The following ADGRL3 variants were observed in gnomAD, a reference collection of about 807,000 sequenced individuals.
The protein encoded by ADGRL3 is calcium-independent alpha-latrotoxin receptor 3.
Under a neutral mutation model 153.5 loss-of-function variants are expected in ADGRL3, and 62 were observed. The ratio of observed to expected loss-of-function variants is 0.40; its 90% CI spans 0.33 to 0.50. ADGRL3 has a LOEUF of 0.50. ADGRL3 is among the 20% of genes least tolerant of loss of function. The pLI is 0.47. For missense variants in ADGRL3, 1,641 were observed against 1,859.4 expected, an observed-to-expected ratio of 0.88 and a Z score of 2.16; for synonymous variants, 710 against 672.5, an observed-to-expected ratio of 1.06 and a Z score of -0.86.
intron 1 of ADGRL3, among the ~76,000 whole-genome samples, chr4:61,266,632 G>A (rs925432143): frequency 1.3e-4 from 20 of 151,646 alleles, no homozygotes; most frequent in African/African-American, 4.4e-4. Context: ...AAAACATAGC[G>A]ATACAAATTT....
chr4:61,862,671 G>A (rs748617231), intron 9 of ADGRL3, among the ~76,000 whole-genome samples: 7 of 152,062 alleles, frequency 4.6e-5, no homozygotes, highest in African/African-American at 7.2e-5. Flanking sequence ...ATCCCTGGAC[G>A]AGCAGCATTA....
intron 1 of ADGRL3, among the ~76,000 whole-genome samples, chr4:61,277,782 A>G (rs1456323015): frequency 6.6e-6 from 1 of 152,222 alleles, no homozygotes; most frequent in Non-Finnish European, 1.5e-5. Context: ...AAATAAATTA[A>G]TATGTGTCAA....
intron 13 of ADGRL3, 77 bp from the exon 14 acceptor site, chr4:61,934,763 G>A (rs1015959584): frequency 8.8e-6 from 10 of 1,138,252 alleles, no homozygotes; most frequent in Non-Finnish European, 1.2e-5. Flanking sequence ...TGCTTGCTGG[G>A]CAACATGTAC....
chr4:61,959,410 T>C (rs2098979662), intron 17 of ADGRL3, among the ~76,000 whole-genome samples: 1 of 152,184 alleles, frequency 6.6e-6, no homozygotes, highest in South Asian at 2.1e-4. Flanking sequence ...TTTATTATCT[T>C]TAAAAGACTT....
chr4:61,364,423 G>A (rs1392772283), intron 1 of ADGRL3, among the ~76,000 whole-genome samples: 1 of 151,702 alleles, frequency 6.6e-6, no homozygotes, highest in Non-Finnish European at 1.5e-5. Context: ...AAAAATTAAT[G>A]GTATCACTGT....
At chr4:62,023,901 TTGCATGCAACC>T (rs34418229) in intron 21 of ADGRL3, among the ~76,000 whole-genome samples, 31,567 of 151,988 alleles carry the variant, frequency 0.21, 3,777 homozygotes, top group South Asian at 0.41. Context: ...TGCATCTTAT[TTGCATGCAACC>T]TACCAATTCA....
intron 6 of ADGRL3, among the ~76,000 whole-genome samples, chr4:61,692,201 C>T (rs957862544): frequency 2.0e-5 from 3 of 152,086 alleles, no homozygotes; most frequent in Non-Finnish European, 4.4e-5. Context: ...CATATTCTCA[C>T]AGTAATCTGT....
At chr4:61,513,928 C>T (rs73822607) in intron 3 of ADGRL3, among the ~76,000 whole-genome samples, 2,367 of 152,150 alleles carry the variant, frequency 0.016, 76 homozygotes, top group African/African-American at 0.054. Flanking sequence ...AAACTGTGGC[C>T]TCTAATGGTA....
At chr4:61,406,824 T>C (rs1393162574) in intron 2 of ADGRL3, among the ~76,000 whole-genome samples, 1 of 151,994 alleles carries the variant, frequency 6.6e-6, no homozygotes, top group East Asian at 1.9e-4. Context: ...AGTATTGTTC[T>C]TTAATAGGTG....
chr4:61,769,749 C>T (rs969993017), intron 8 of ADGRL3, among the ~76,000 whole-genome samples: 2 of 145,438 alleles, frequency 1.4e-5, no homozygotes, highest in Non-Finnish European at 3.0e-5. Flanking sequence ...GTGGGGGTTG[C>T]AAGGTGCTCA....
chr4:61,346,398 AT>A (rs909672278), intron 1 of ADGRL3, among the ~76,000 whole-genome samples: 19 of 151,826 alleles, frequency 1.3e-4, no homozygotes, highest in African/African-American at 4.1e-4. Context: ...TCGTTTTAAC[AT>A]TGGGCATCAC....
In ADGRL3 at chr4:61,758,375, G is replaced by T. The variant is rs151043102; in HGVS notation, c.1399+24821G>T. 9.3e-3 allele frequency among the ~76,000 whole-genome samples: 1,423 copies of T among 152,240 alleles called. 27 individuals are homozygous for T. The highest frequency in any genetic ancestry group is 0.032 in the African/African-American group (1,348 of 41,520). On this transcript the variant is annotated intron_variant, in intron 8 of 26. Transcript: ENST00000683033. Reference sequence around the variant, plus strand: ...GAATCTGGGTGCTCCTGTATTGGGTGCATATATATTTAGGATAGTTAGCTC... The same window carrying T: ...GAATCTGGGTGCTCCTGTATTGGGTTCATATATATTTAGGATAGTTAGCTC...
intron 4 of ADGRL3, among the ~76,000 whole-genome samples, chr4:61,550,282 T>G (rs1270174312): frequency 6.6e-6 from 1 of 151,994 alleles, no homozygotes; most frequent in Non-Finnish European, 1.5e-5. Flanking sequence ...CTAAATTGTT[T>G]TTAACTTCTT....
At chr4:61,264,144 G>C (rs1053908342) in intron 1 of ADGRL3, among the ~76,000 whole-genome samples, 1 of 151,980 alleles carries the variant, frequency 6.6e-6, no homozygotes, top group South Asian at 2.1e-4. Flanking sequence ...CTAATAACAA[G>C]TATTGCTCTA....
At chr4:61,988,810 A>G (rs1386810454) in intron 19 of ADGRL3, among the ~76,000 whole-genome samples, 1 of 152,122 alleles carries the variant, frequency 6.6e-6, no homozygotes, top group Non-Finnish European at 1.5e-5. Context: ...ATTGTCTAGG[A>G]GAGAAAATCT....
At chr4:61,907,403 C>T (rs1258614862) in intron 11 of ADGRL3, among the ~76,000 whole-genome samples, 1 of 151,982 alleles carries the variant, frequency 6.6e-6, no homozygotes. Context: ...GGACTACAGG[C>T]ATGCGCCACC....
chr4:61,446,554 A>G (rs751846623), intron 2 of ADGRL3, among the ~76,000 whole-genome samples: 2 of 152,194 alleles, frequency 1.3e-5, no homozygotes, highest in Non-Finnish European at 2.9e-5. Flanking sequence ...ATAGAGGATG[A>G]AATACCAACG....
rs746112623 is a variant in ADGRL3, at chr4:61,497,303, T to C, written c.10T>C (p.Ser4Pro). The change falls in exon 3 of 27, where the codon TCG (serine) becomes CCG (proline). Residue 4 changes from serine (S) to proline (P), a missense_variant. This residue lies in a region of ADGRL3 where 145 missense variants were observed against 79.1 expected (regional missense o/e 1.83). Coordinates refer to ENST00000683033, the MANE Select transcript of ADGRL3 (RefSeq NM_001387552.1). Reference protein sequence around the residue: MWPSQLLIFMMLLA... With the variant: MWPPQLLIFMMLLA... ...ACCTGAGTAGACAGCCATGTGGCCA[T>C]CGCAGCTACTAATTTTCATGATGCT... 4.4e-6 allele frequency: 7 copies of C among 1,604,358 alleles called. No homozygotes were observed. Among genetic ancestry groups the C allele is most frequent in the African/African-American group, 1.3e-5 (1 of 74,390 alleles).
rs1004356377 is a variant in ADGRL3, at chr4:61,202,746, G to A, written c.-240+981G>A. On this transcript the variant is annotated intron_variant, in intron 1 of 26. Transcript: ENST00000683033. This position sits in a 1 kb window ranked among gnomAD's most constrained non-coding sequence, Gnocchi z 5.0. The stretch of plus-strand genomic sequence containing the variant: ...GCCAGGCCCCCAGCACTATAGGTGG[G>A]TGTGTGTGTGTCTGTGCGTGTGTGT... Among the ~76,000 whole-genome samples, 12 of 152,206 alleles carry A rather than the reference G, an allele frequency of 7.9e-5. No homozygotes were observed. Among genetic ancestry groups the A allele is most frequent in the Non-Finnish European group, 1.5e-4 (10 of 67,976 alleles).
Sources: gnomAD v4.1 joint callset for allele counts (sites outside exome capture counted in the v4.1 genomes callset) on GRCh38, gnomAD v4.1.1 for gene constraint, gnomAD v4.1.1 regional missense constraint, Gnocchi (gnomAD v3.1) non-coding constraint, MANE v1.5 for transcripts, NCBI Gene and HGNC (gene_info 2026-07-23, HGNC 2026-07-21) for gene names.